PADI4: variants seen among roughly 807,000 people sequenced by gnomAD.
PADI4 encodes peptidyl arginine deiminase 4, also known as protein-arginine deiminase type-4.
PADI4 carries 62 observed loss-of-function variants against 75.0 expected under a neutral mutation model. The observed-to-expected ratio is 0.83, with a 90% CI of 0.67 to 1.02. The LOEUF is 1.02. PADI4 is among the 50% of genes least tolerant of loss of function. The pLI is 0.00. For missense variants in PADI4, 845 were observed against 850.5 expected, an observed-to-expected ratio of 0.99 and a Z score of 0.08; for synonymous variants, 361 against 348.1, an observed-to-expected ratio of 1.04 and a Z score of -0.41.
At chr1:17,311,492 G>A (rs1224144777) in intron 1 of PADI4, among the ~76,000 whole-genome samples, 2 of 151,618 alleles carry the variant, frequency 1.3e-5, no homozygotes, top group Non-Finnish European at 2.9e-5. Flanking sequence ...TGCCATCTAT[G>A]GTCTCTCTTC....
intron 1 of PADI4, among the ~76,000 whole-genome samples, chr1:17,313,535 A>AG (rs2073879556): frequency 3.5e-4 from 52 of 150,408 alleles, no homozygotes; most frequent in East Asian, 1.4e-3. Flanking sequence ...AAGGAAGGAA[A>AG]GAAGGAAAGA....
chr1:17,334,740 C>T (rs2074280115), intron 3 of PADI4: 2 of 395,702 alleles, frequency 5.1e-6, no homozygotes, highest in Admixed American at 3.2e-5. Flanking sequence ...ATCAATGATC[C>T]ACCTATACTC....
intron 1 of PADI4, among the ~76,000 whole-genome samples, chr1:17,311,747 G>A (rs938781108): frequency 1.8e-4 from 27 of 151,948 alleles, no homozygotes; most frequent in African/African-American, 4.1e-4. Context: ...GGATGGTCTC[G>A]ATCTCCTGAC....
At chr1:17,362,311 C>A (rs2074857743) in intron 15 of PADI4, among the ~76,000 whole-genome samples, 1 of 146,166 alleles carries the variant, frequency 6.8e-6, no homozygotes, top group Admixed American at 6.9e-5. Flanking sequence ...TGAGATGGCA[C>A]CACTGAACTC....
Position 17,356,573 on chromosome 1 carries a change from C to A in PADI4, c.1558+114C>A. The A allele has an allele frequency of 4.5e-6, 3 of 660,618 alleles. No homozygotes were observed. Among genetic ancestry groups the A allele is most frequent in the Non-Finnish European group, 8.1e-6 (3 of 368,374 alleles). 40.9% of individuals were successfully genotyped at this position (660,618 alleles called of 1,614,324 possible). A position where few individuals can be genotyped will look rare whatever the true frequency, so the allele number is the denominator to read the frequency against. On this transcript the variant is annotated intron_variant, in intron 13 of 15. Coordinates refer to ENST00000375448, the MANE Select transcript of PADI4 (RefSeq NM_012387.3). This position sits in a 1 kb window ranked among gnomAD's most constrained non-coding sequence, Gnocchi z 4.1. Reference sequence around the variant, plus strand: ...GGGTAGCATCTGAGCACCTACTGTGCGCCAGGCACTGTGCCAAGTGCTAGG... The same window carrying A: ...GGGTAGCATCTGAGCACCTACTGTGAGCCAGGCACTGTGCCAAGTGCTAGG...
chr1:17,341,607 C>T (rs2074419529), intron 6 of PADI4, among the ~76,000 whole-genome samples: 1 of 152,228 alleles, frequency 6.6e-6, no homozygotes. Context: ...ACTCTGTCTC[C>T]CTGGTCCCCT....
At position 17,361,812 on chromosome 1, in the gene PADI4, C is replaced by T. The variant is rs190596684; in HGVS notation, c.1759-1710C>T. 4.6e-5 allele frequency among the ~76,000 whole-genome samples: 7 copies of T among 152,340 alleles called. No homozygotes were observed. In the East Asian group the frequency reaches 1.3e-3, roughly 29 times the overall value. ...CTAATGGAGGAAGCAGAGTCATTTA[C>T]ATACATTATTTACATATGGAAAGTG... On this transcript the variant is annotated intron_variant, in intron 15 of 15. Coordinates refer to ENST00000375448, the MANE Select transcript of PADI4 (RefSeq NM_012387.3).
intron 1 of PADI4, among the ~76,000 whole-genome samples, chr1:17,321,613 C>A (rs2074033625): frequency 6.6e-6 from 1 of 152,160 alleles, no homozygotes; most frequent in South Asian, 2.1e-4. Flanking sequence ...AGAGCCCAAG[C>A]CAGGGTGGGC....
chr1:17,330,266 C>T (rs553106778), intron 1 of PADI4, among the ~76,000 whole-genome samples: 1 of 152,198 alleles, frequency 6.6e-6, no homozygotes, highest in Non-Finnish European at 1.5e-5. Context: ...ACAGTACTTA[C>T]TCCCCACGGT....
intron 3 of PADI4, 40 bp downstream of exon 3, chr1:17,334,049 C>T (rs764722166): frequency 1.6e-6 from 2 of 1,243,124 alleles, no homozygotes; most frequent in South Asian, 1.2e-5. Flanking sequence ...GTCTCATCCC[C>T]TGCCCACCTC....
chr1:17,312,229 G>A (rs2073847717), intron 1 of PADI4, among the ~76,000 whole-genome samples: 1 of 152,244 alleles, frequency 6.6e-6, no homozygotes, highest in South Asian at 2.1e-4. Context: ...GGAGACCAAG[G>A]AGGGTGGATC....
intron 1 of PADI4, among the ~76,000 whole-genome samples, chr1:17,311,681 T>G (rs56298471): frequency 6.6e-6 from 1 of 152,044 alleles, no homozygotes; most frequent in Admixed American, 6.6e-5. Flanking sequence ...CCTGCCACCA[T>G]GCCTGGCTAA....
At chr1:17,352,447 G>A (rs1445576306) in intron 10 of PADI4, among the ~76,000 whole-genome samples, 1 of 152,164 alleles carries the variant, frequency 6.6e-6, no homozygotes, top group East Asian at 1.9e-4. Flanking sequence ...AAGGGAACAA[G>A]CCCTGCTATG....
At chr1:17,359,188 C>A in intron 14 of PADI4, 92 bp from the exon 15 acceptor site, 2 of 954,246 alleles carry the variant, frequency 2.1e-6, no homozygotes, top group South Asian at 1.5e-5. Flanking sequence ...AGGTCCTACC[C>A]TCCGGCAGGG....
intron 2 of PADI4, among the ~76,000 whole-genome samples, chr1:17,332,069 C>T (rs6698443): frequency 0.051 from 7,758 of 152,186 alleles, 225 homozygotes; most frequent in African/African-American, 0.076. Context: ...TTTGCCTCCT[C>T]CAGCTTCTGG....
intron 10 of PADI4, 63 bp downstream of exon 10, chr1:17,348,111 C>A: frequency 1.9e-6 from 2 of 1,066,202 alleles, no homozygotes; most frequent in Non-Finnish European, 2.9e-6. Context: ...AGACTCCCTC[C>A]TTTTAGCCTG....
chr1:17,351,381 A>G (rs545654435), intron 10 of PADI4, among the ~76,000 whole-genome samples: 23 of 151,082 alleles, frequency 1.5e-4, no homozygotes, highest in African/African-American at 5.4e-4. Context: ...ACTTGAGCCC[A>G]GGAGTTCGAG....
In PADI4 at chr1:17,342,285, C is replaced by A. The variant is rs757331653; in HGVS notation, c.832-14C>A. 5 of 1,563,126 alleles carry A rather than the reference C, an allele frequency of 3.2e-6. No individual in the cohort carries two copies. Among genetic ancestry groups the A allele is most frequent in the Non-Finnish European group, 4.4e-6 (5 of 1,134,102 alleles). On this transcript the variant is annotated splice_polypyrimidine_tract_variant and intron_variant, in intron 7 of 15. Coordinates refer to ENST00000375448, the MANE Select transcript of PADI4 (RefSeq NM_012387.3). ...GGTGACAGCCCCTCCTTCCCCTTAC[C>A]CCCTCCCCTGCAGGAGCTCCCCGAG...
At position 17,356,355 on chromosome 1, in the gene PADI4, A is replaced by T. The variant is rs1440129738; in HGVS notation, c.1456-2A>T. 6.3e-7 allele frequency: 1 copy of T among 1,596,642 alleles called. No homozygotes were observed. Among genetic ancestry groups the T allele is most frequent in the South Asian group, 1.1e-5 (1 of 89,476 alleles). On this transcript the variant is annotated splice_acceptor_variant, in intron 12 of 15. Coordinates refer to ENST00000375448, the MANE Select transcript of PADI4 (RefSeq NM_012387.3). LOFTEE classifies it high-confidence loss of function. The surrounding 1 kb of genome is among the most constrained non-coding windows in gnomAD (Gnocchi z 4.1). ...TTCTAACCCCAGTGTTTCTGCCTCC[A>T]GGGCTTCCGGCTGCTCCTGGCCAGC...
Sources: gnomAD v4.1 joint callset for allele counts (sites outside exome capture counted in the v4.1 genomes callset) on GRCh38, gnomAD v4.1.1 for gene constraint, Gnocchi (gnomAD v3.1) non-coding constraint, MANE v1.5 for transcripts, NCBI Gene and HGNC (gene_info 2026-07-23, HGNC 2026-07-21) for gene names.